Variants in SGCZ observed in about 807,000 individuals in gnomAD.
The protein encoded by SGCZ is sarcoglycan zeta.
Under a neutral mutation model 41.3 loss-of-function variants are expected in SGCZ, and 40 were observed. The observed-to-expected ratio is 0.97, with a 90% CI of 0.75 to 1.26. SGCZ has a LOEUF of 1.26. Ranked by LOEUF, SGCZ falls within the 50% of genes most tolerant of loss-of-function variation. SGCZ has a pLI of 0.00. For synonymous variants in SGCZ, 206 were observed against 137.5 expected, an observed-to-expected ratio of 1.50 and a Z score of -3.49; for missense variants, 552 against 369.8, an observed-to-expected ratio of 1.49 and a Z score of -4.04.
At chr8:15,064,824 A>G (rs775106746) in intron 1 of SGCZ, among the ~76,000 whole-genome samples, 3 of 152,118 alleles carry the variant, frequency 2.0e-5, no homozygotes, top group Non-Finnish European at 4.4e-5. Flanking sequence ...CAATACTCAT[A>G]GTCTCAGTTA....
At chr8:15,095,044 T>A (rs1331583407) in intron 1 of SGCZ, among the ~76,000 whole-genome samples, 1 of 152,212 alleles carries the variant, frequency 6.6e-6, no homozygotes, top group African/African-American at 2.4e-5. Context: ...TATTGTGAAG[T>A]CAGGAAAAAT....
At chr8:14,262,925 A>C (rs1046509650) in intron 3 of SGCZ, among the ~76,000 whole-genome samples, 3 of 152,074 alleles carry the variant, frequency 2.0e-5, no homozygotes, top group African/African-American at 7.2e-5. Context: ...CTAAGAAAAC[A>C]AAACCAAAAT....
chr8:15,138,664 T>C (rs1386555862), intron 1 of SGCZ, among the ~76,000 whole-genome samples: 1 of 152,154 alleles, frequency 6.6e-6, no homozygotes, highest in Non-Finnish European at 1.5e-5. Flanking sequence ...TGTGAAGAGG[T>C]GCCTGCCACC....
intron 1 of SGCZ, among the ~76,000 whole-genome samples, chr8:14,742,526 G>T (rs1477098277): frequency 2.0e-5 from 3 of 151,928 alleles, no homozygotes; most frequent in African/African-American, 7.2e-5. Flanking sequence ...TTACAATATA[G>T]GAAATTCAGG....
intron 1 of SGCZ, among the ~76,000 whole-genome samples, chr8:15,028,834 C>T (rs546599423): frequency 7.2e-5 from 11 of 151,980 alleles, no homozygotes; most frequent in Non-Finnish European, 1.6e-4. Context: ...AAATCAGGTA[C>T]TTTCATGGTG....
intron 7 of SGCZ, among the ~76,000 whole-genome samples, chr8:14,094,717 T>C (rs1313875189): frequency 6.6e-6 from 1 of 152,160 alleles, no homozygotes; most frequent in East Asian, 1.9e-4. Flanking sequence ...CCGCACTGTC[T>C]TCCACAATGG....
intron 4 of SGCZ, among the ~76,000 whole-genome samples, chr8:14,194,818 T>C (rs947034073): frequency 6.6e-6 from 1 of 151,880 alleles, no homozygotes; most frequent in Non-Finnish European, 1.5e-5. Flanking sequence ...GCCTACTAGA[T>C]TTGAACAAAG....
At chr8:14,799,787 T>C (rs925919383) in intron 1 of SGCZ, among the ~76,000 whole-genome samples, 2 of 152,138 alleles carry the variant, frequency 1.3e-5, no homozygotes, top group African/African-American at 4.8e-5. Flanking sequence ...TGCCTACTTC[T>C]CGCTGGCCTG....
Position 14,691,819 on chromosome 8 carries a change from CTT to C in SGCZ, c.40-136895_40-136894del, listed in dbSNP as rs1256051065. 1.1e-4 allele frequency among the ~76,000 whole-genome samples: 17 copies of C among 151,820 alleles called. No homozygotes were observed. In the East Asian group the frequency reaches 2.1e-3, roughly 19 times the overall value. ...TTTTTTGCCGTAATAAAAAATCAAA[CTT>C]AATATAAGAAAACAACACAAAAATG... On this transcript the variant is annotated intron_variant, in intron 1 of 7. Transcript: ENST00000382080.
At chr8:14,136,705 C>A (rs1803210004) in intron 5 of SGCZ, among the ~76,000 whole-genome samples, 1 of 152,198 alleles carries the variant, frequency 6.6e-6, no homozygotes, top group African/African-American at 2.4e-5. Flanking sequence ...CCTCCATAGA[C>A]TCCACCTCTG....
At chr8:15,051,582 C>T (rs1804515199) in intron 1 of SGCZ, among the ~76,000 whole-genome samples, 2 of 152,050 alleles carry the variant, frequency 1.3e-5, no homozygotes, top group Admixed American at 6.6e-5. Flanking sequence ...TTAGGAGATA[C>T]TGACAGAGTT....
intron 2 of SGCZ, among the ~76,000 whole-genome samples, chr8:14,460,995 T>C (rs1488640196): frequency 6.6e-6 from 1 of 152,136 alleles, no homozygotes; most frequent in Non-Finnish European, 1.5e-5. Context: ...ATGTTTCCCA[T>C]AGGAAAATGT....
intron 2 of SGCZ, 151 bp from the exon 3 acceptor site, chr8:14,324,355 G>C: frequency 1.5e-6 from 1 of 655,952 alleles, no homozygotes; most frequent in Non-Finnish European, 2.7e-6. Context: ...ATTAATGTTT[G>C]CAGCCCTTTG....
At chr8:14,357,845 C>T (rs954994425) in intron 2 of SGCZ, among the ~76,000 whole-genome samples, 1 of 152,096 alleles carries the variant, frequency 6.6e-6, no homozygotes, top group African/African-American at 2.4e-5. Context: ...TTGCTAACTC[C>T]AAAACTTGAT....
At chr8:14,713,956 G>A (rs1809605195) in intron 1 of SGCZ, among the ~76,000 whole-genome samples, 1 of 151,916 alleles carries the variant, frequency 6.6e-6, no homozygotes, top group Admixed American at 6.6e-5. Context: ...AAGTCTAGAA[G>A]CATCTGTATG....
intron 1 of SGCZ, among the ~76,000 whole-genome samples, chr8:14,573,646 T>C (rs1252189128): frequency 1.3e-5 from 2 of 152,196 alleles, no homozygotes; most frequent in Non-Finnish European, 2.9e-5. Flanking sequence ...TCTGTTCTCT[T>C]ATGGCAGGAG....
At chr8:15,137,072 A>T (rs1454899412) in intron 1 of SGCZ, among the ~76,000 whole-genome samples, 1 of 152,188 alleles carries the variant, frequency 6.6e-6, no homozygotes, top group Non-Finnish European at 1.5e-5. Context: ...TTTGACCAAA[A>T]TACCGATAAT....
chr8:14,784,918 A>T (rs1469085773), intron 1 of SGCZ, among the ~76,000 whole-genome samples: 1 of 102,934 alleles, frequency 9.7e-6, no homozygotes, highest in Admixed American at 1.1e-4. Context: ...AAAAAAATAT[A>T]TATATATATA....
intron 1 of SGCZ, among the ~76,000 whole-genome samples, chr8:14,691,007 T>C (rs1462666923): frequency 6.6e-6 from 1 of 152,192 alleles, no homozygotes; most frequent in Non-Finnish European, 1.5e-5. Context: ...TCAACCTACA[T>C]TCTGTGAAAG....
Sources: allele counts gnomAD v4.1 joint callset (sites outside exome capture counted in the v4.1 genomes callset), GRCh38; gene constraint gnomAD v4.1.1; transcripts MANE v1.5; gene names NCBI Gene and HGNC (gene_info 2026-07-23, HGNC 2026-07-21).